The following P2RY11 variants were observed in gnomAD, a reference collection of about 807,000 sequenced individuals.
P2RY11 encodes P2Y purinoceptor 11.
In P2RY11, 3 loss-of-function variants were observed where a neutral mutation model predicts 2.4. That is an observed-to-expected ratio of 1.22 (90% CI 0.56 to 3.17). The LOEUF is 3.17. Among genes scored for constraint, P2RY11 ranks in the 30% most tolerant of loss-of-function variants. The pLI is 0.03. For synonymous variants in P2RY11, 307 were observed against 237.3 expected (o/e 1.29, Z -2.70); for missense variants, 670 against 528.2 (o/e 1.27, Z -2.63).
At chr19:10,113,304 C>T (rs1036535818) in intron 1 of P2RY11, among the ~76,000 whole-genome samples, 15 of 152,178 alleles carry the variant, frequency 9.9e-5, no homozygotes, top group Non-Finnish European at 1.9e-4. Flanking sequence ...GTGGAGCCGG[C>T]AGGCCTTGCT....
rs777835512 is a variant in P2RY11 at position 10,114,256 on chromosome 19, G to A, written c.643G>A (p.Gly215Ser). Residue 215 changes from glycine (G) to serine (S), a missense_variant, in exon 2 of 2, where the codon GGC becomes AGC. Gly to Ser is a moderately conservative substitution (Grantham distance 56, BLOSUM62 0). Coordinates refer to ENST00000321826, the MANE Select transcript of P2RY11 (RefSeq NM_002566.5). ...YSLVLAGLGC[G>S]LPLLLTLAAY... Reference sequence around the variant, plus strand: ...CCTGGTGCTGGCGGGGTTGGGCTGCGGCCTGCCGCTGCTGCTCACGCTGGC... The same window carrying A: ...CCTGGTGCTGGCGGGGTTGGGCTGCAGCCTGCCGCTGCTGCTCACGCTGGC... 1.8e-5 allele frequency: 28 copies of A among 1,598,270 alleles called. No homozygotes were observed. Among genetic ancestry groups the A allele is most frequent in the East Asian group, 2.2e-5 (1 of 44,858 alleles).
chr19:10,114,631 G>A lies in P2RY11; in HGVS notation c.1018G>A (p.Asp340Asn). 2 of 1,614,014 alleles carry A rather than the reference G, an allele frequency of 1.2e-6. No homozygotes were observed. Among genetic ancestry groups the A allele is most frequent in the East Asian group, 2.2e-5 (1 of 44,880 alleles). ...CTGCCGACACTGCCCCGGCTACAGG[G>A]ACAGCTGGAACCCAGAGGACGCCAA... ...CCCRHCPGYR[D>N]SWNPEDAKST... The change falls in exon 2 of 2, where the codon GAC (aspartate) becomes AAC (asparagine). Residue 340 changes from aspartate to asparagine, a missense_variant. Physicochemically the swap from Asp to Asn is conservative, Grantham distance 23. Coordinates refer to ENST00000321826, the MANE Select transcript of P2RY11 (RefSeq NM_002566.5).
At chr19:10,112,503 GTC>G (rs1474487206) in intron 1 of P2RY11, 1 of 152,530 alleles carries the variant, frequency 6.6e-6, no homozygotes, top group African/African-American at 2.4e-5. Flanking sequence ...TTTTCTCACC[GTC>G]ATCAGGTGGC....
Position 10,114,622 on chromosome 19 carries a change from G to C in P2RY11, c.1009G>C (p.Gly337Arg). Reference protein sequence around the residue: ...SLGCCCRHCPGYRDSWNPEDA... With the variant: ...SLGCCCRHCPRYRDSWNPEDA... ...GGGCTGCTGCTGCCGACACTGCCCC[G>C]GCTACAGGGACAGCTGGAACCCAGA... Residue 337 changes from glycine (G) to arginine (R), a missense_variant, in exon 2 of 2, where the codon GGC (glycine) becomes CGC (arginine). Gly to Arg is a moderately radical substitution (Grantham distance 125). Coordinates refer to ENST00000321826, the MANE Select transcript of P2RY11 (RefSeq NM_002566.5). The C allele has an allele frequency of 6.2e-7, 1 of 1,613,942 alleles. No individual in the cohort carries two copies. The highest frequency in any genetic ancestry group is 8.5e-7 in the Non-Finnish European group (1 of 1,179,962).
chr19:10,113,424 C>T (rs921203715), intron 1 of P2RY11, among the ~76,000 whole-genome samples: 14 of 152,120 alleles, frequency 9.2e-5, no homozygotes, highest in African/African-American at 3.1e-4. Context: ...CTGCCTGGCC[C>T]GCCTAAGCTG....
Position 10,115,058 on chromosome 19 carries a change from C to CG in P2RY11, c.*322dup, listed in dbSNP as rs1401233155. ...TTATTGCCCTTGGAGCCCGCGCTCT[C>CG]GGAGGCTGTCTTCTGTCGCCAAGGG... On this transcript the variant is annotated 3_prime_UTR_variant, in exon 2 of 2. Transcript: ENST00000321826. The CG allele has an allele frequency of 5.6e-6, 9 of 1,612,070 alleles. No individual in the cohort carries two copies. The Admixed American group carries it at 1.0e-4, about 18-fold the overall frequency.
rs1462469823 is a variant in P2RY11 at position 10,114,593 on chromosome 19, G to T, written c.980G>T (p.Ser327Ile). ...HPLLYMAAVP[S>I]LGCCCRHCPG... ...CTACTCTACATGGCCGCAGTGCCCAGCCTGGGCTGCTGCTGCCGACACTGC... is the reference window on the plus strand; with the variant it reads ...CTACTCTACATGGCCGCAGTGCCCATCCTGGGCTGCTGCTGCCGACACTGC... The change falls in exon 2 of 2, where the codon AGC (serine) becomes ATC (isoleucine). Residue 327 changes from serine (S) to isoleucine (I), a missense_variant. Physicochemically the swap from Ser to Ile is moderately radical, Grantham distance 142. Transcript: ENST00000321826. 1 of 1,613,804 alleles carries T rather than the reference G, an allele frequency of 6.2e-7. No individual in the cohort carries two copies. The highest frequency in any genetic ancestry group is 8.5e-7 in the Non-Finnish European group (1 of 1,179,984).
In P2RY11 at chr19:10,114,641, A is replaced by G; in HGVS notation, c.1028A>G (p.Asn343Ser). ...RHCPGYRDSW[N>S]PEDAKSTGQA... ...TGCCCCGGCTACAGGGACAGCTGGA[A>G]CCCAGAGGACGCCAAGAGCACTGGC... is the stretch of plus-strand genomic sequence containing the variant. The change falls in exon 2 of 2, where the codon AAC becomes AGC. Residue 343 changes from asparagine (N) to serine (S), a missense_variant. By Grantham distance (46) the Asn-to-Ser change is conservative. Coordinates refer to ENST00000321826, the MANE Select transcript of P2RY11 (RefSeq NM_002566.5). 6.2e-7 allele frequency: 1 copy of G among 1,613,990 alleles called. No homozygotes were observed. Among genetic ancestry groups the G allele is most frequent in the East Asian group, 2.2e-5 (1 of 44,888 alleles).
At chr19:10,112,660 T>A (rs2145216431) in intron 1 of P2RY11, among the ~76,000 whole-genome samples, 1 of 152,210 alleles carries the variant, frequency 6.6e-6, no homozygotes, top group South Asian at 2.1e-4. Context: ...TGGGTGTGGC[T>A]GGGCACGGTG....
rs13343552 is a variant in P2RY11 at position 10,114,909 on chromosome 19, T to G, written c.*171T>G. 1.0e-5 allele frequency: 14 copies of G among 1,355,818 alleles called. No individual in the cohort carries two copies. The highest frequency in any genetic ancestry group is 1.3e-5 in the Non-Finnish European group (13 of 995,688). The allele number at this position is 1,355,818 out of a possible 1,614,324, so 84.0% of individuals were successfully genotyped here. A position where few individuals can be genotyped will look rare whatever the true frequency, so the allele number is the denominator to read the frequency against. ...CAGTCGCCTTTCCCACCCACAGCGC[T>G]GGCCACAGGGCTCCCTGCAGGGTCA... On this transcript the variant is annotated 3_prime_UTR_variant, in exon 2 of 2. Coordinates refer to ENST00000321826, the MANE Select transcript of P2RY11 (RefSeq NM_002566.5).
In P2RY11 at chr19:10,114,287, A is replaced by T; in HGVS notation, c.674A>T (p.Tyr225Phe). ...GLPLLLTLAA[Y>F]GALGRAVLRS... ...CCGCTGCTGCTCACGCTGGCAGCCT[A>T]CGGCGCCCTCGGGCGGGCCGTGCTA... Residue 225 changes from tyrosine to phenylalanine, a missense_variant, in exon 2 of 2, where the codon TAC (tyrosine) becomes TTC (phenylalanine). Physicochemically the swap from Tyr to Phe is conservative, Grantham distance 22. Transcript: ENST00000321826. The T allele has an allele frequency of 6.3e-7, 1 of 1,597,876 alleles. No homozygotes were observed. Among genetic ancestry groups the T allele is most frequent in the Non-Finnish European group, 8.5e-7 (1 of 1,178,514 alleles).
chr19:10,112,997 A>G lies in P2RY11; in HGVS notation c.20-636A>G, dbSNP rs77813206. On this transcript the variant is annotated intron_variant, in intron 1 of 1. Coordinates refer to ENST00000321826, the MANE Select transcript of P2RY11 (RefSeq NM_002566.5). ...AAGGCACAAGTCTGCAAGAGCAGCCAGGAAGCCTGGGTGGGCTGGTGCGAG... is the reference window on the plus strand; with the variant it reads ...AAGGCACAAGTCTGCAAGAGCAGCCGGGAAGCCTGGGTGGGCTGGTGCGAG... Among the ~76,000 whole-genome samples, 550 of 149,278 alleles carry G rather than the reference A, an allele frequency of 3.7e-3. 23 individuals are homozygous for G. The South Asian group carries it at 0.074, about 20-fold the overall frequency.
chr19:10,114,888 C>G lies in P2RY11; in HGVS notation c.*150C>G, dbSNP rs544895911. 1.2e-5 allele frequency: 17 copies of G among 1,419,932 alleles called. No individual in the cohort carries two copies. The African/African-American group carries it at 1.6e-4, about 13-fold the overall frequency. 88.0% of individuals were successfully genotyped at this position (1,419,932 alleles called of 1,614,324 possible). A position where few individuals can be genotyped will look rare whatever the true frequency, so the allele number is the denominator to read the frequency against. On this transcript the variant is annotated 3_prime_UTR_variant, in exon 2 of 2. Coordinates refer to ENST00000321826, the MANE Select transcript of P2RY11 (RefSeq NM_002566.5). The stretch of plus-strand genomic sequence containing the variant: ...CAGCTGCAGCCCAGGCAGGAGCAGT[C>G]GCCTTTCCCACCCACAGCGCTGGCC...
Position 10,114,137 on chromosome 19 carries a change from A to AG in P2RY11, c.529dup (p.Ala177GlyfsTer30), listed in dbSNP as rs1568491487. 2 of 1,601,004 alleles carry AG rather than the reference A, an allele frequency of 1.2e-6. No homozygotes were observed. The highest frequency in any genetic ancestry group is 3.3e-5 in the Admixed American group (2 of 59,970). The stretch of plus-strand genomic sequence containing the variant: ...TTCTCCCACCTGAAGAGGCCGCAGC[A>AG]GGGGGCGGGCAACTGCAGCGTGGCC... On this transcript the variant is annotated frameshift_variant, in exon 2 of 2. Transcript: ENST00000321826. LOFTEE classifies it low-confidence loss of function (END_TRUNC).
chr19:10,113,803 G>A lies in P2RY11; in HGVS notation c.190G>A (p.Ala64Thr), dbSNP rs557178936. The A allele has an allele frequency of 1.5e-5, 25 of 1,613,776 alleles. No homozygotes were observed. Among genetic ancestry groups the A allele is most frequent in the African/African-American group, 6.7e-5 (5 of 74,882 alleles). Reference sequence around the variant, plus strand: ...CCGGAAGCAGCGCCCATGGCACCCCGCCGTGGTCTTCTCTGTCCAGCTGGC... The same window carrying A: ...CCGGAAGCAGCGCCCATGGCACCCCACCGTGGTCTTCTCTGTCCAGCTGGC... The part of the protein sequence containing the change: ...SIRKQRPWHP[A>T]VVFSVQLAVS... The change falls in exon 2 of 2, where the codon GCC becomes ACC. Residue 64 changes from alanine to threonine, a missense_variant. Coordinates refer to ENST00000321826, the MANE Select transcript of P2RY11 (RefSeq NM_002566.5).
Position 10,115,158 on chromosome 19 carries a change from G to T in P2RY11, c.*420G>T. 6.2e-7 allele frequency: 1 copy of T among 1,612,920 alleles called. No homozygotes were observed. The highest frequency in any genetic ancestry group is 2.2e-5 in the East Asian group (1 of 44,850). ...GGGTAGGGGAGGGTGGCAGGTATAA[G>T]ACTTCTGGGGGCACCCCAAGACCCC... On this transcript the variant is annotated 3_prime_UTR_variant, in exon 2 of 2. Coordinates refer to ENST00000321826, the MANE Select transcript of P2RY11 (RefSeq NM_002566.5).
intron 1 of P2RY11, chr19:10,112,108 CAA>C (rs938295433): frequency 2.2e-4 from 35 of 160,164 alleles, no homozygotes; most frequent in South Asian, 8.0e-4. Flanking sequence ...AACTCCATCT[CAA>C]AAAAAAAAAG....
In P2RY11 at chr19:10,114,962, A is replaced by C. The variant is rs2089212206; in HGVS notation, c.*224A>C. The C allele has an allele frequency of 7.1e-7, 1 of 1,403,008 alleles. No individual in the cohort carries two copies. The highest frequency in any genetic ancestry group is 9.8e-7 in the Non-Finnish European group (1 of 1,017,522). The allele number at this position is 1,403,008 out of a possible 1,614,324, so 86.9% of individuals were successfully genotyped here. A position where few individuals can be genotyped will look rare whatever the true frequency, so the allele number is the denominator to read the frequency against. On this transcript the variant is annotated 3_prime_UTR_variant, in exon 2 of 2. Transcript: ENST00000321826. The stretch of plus-strand genomic sequence containing the variant: ...GACCAGACCACGCCCAGAGGAGGGG[A>C]GGCACTGGCCCCCGCCACAGGACTG...
rs531618397 is a variant in P2RY11 at position 10,114,947 on chromosome 19, C to T, written c.*209C>T. On this transcript the variant is annotated 3_prime_UTR_variant, in exon 2 of 2. Transcript: ENST00000321826. Reference sequence around the variant, plus strand: ...CCCTGCAGGGTCAGGGACCAGACCACGCCCAGAGGAGGGGAGGCACTGGCC... The same window carrying T: ...CCCTGCAGGGTCAGGGACCAGACCATGCCCAGAGGAGGGGAGGCACTGGCC... 16 of 1,394,828 alleles carry T rather than the reference C, an allele frequency of 1.1e-5. No individual in the cohort carries two copies. Among genetic ancestry groups the T allele is most frequent in the African/African-American group, 4.3e-5 (3 of 70,570 alleles). The allele number at this position is 1,394,828 out of a possible 1,614,324, so 86.4% of individuals were successfully genotyped here.
Sources: allele counts gnomAD v4.1 joint callset (sites outside exome capture counted in the v4.1 genomes callset), GRCh38; gene constraint gnomAD v4.1.1; transcripts MANE v1.5; gene names NCBI Gene and HGNC (gene_info 2026-07-23, HGNC 2026-07-21).